Variants in PALMD observed in about 807,000 individuals in gnomAD.
PALMD encodes paralemmin-like protein.
PALMD carries 42 observed loss-of-function variants against 56.2 expected under a neutral mutation model. The ratio of observed to expected loss-of-function variants is 0.75; its 90% CI spans 0.58 to 0.97. The LOEUF is 0.97. Ranked by LOEUF, PALMD falls within the 50% of genes least tolerant of loss-of-function variation. The pLI, the probability that PALMD is intolerant of heterozygous loss-of-function variation, is 0.00. For missense variants in PALMD, 660 were observed against 643.8 expected (o/e 1.03, Z -0.27); for synonymous variants, 242 against 222.9 (o/e 1.09, Z -0.76).
At chr1:99,678,059 T>C (rs900421457) in intron 3 of PALMD, among the ~76,000 whole-genome samples, 1 of 151,890 alleles carries the variant, frequency 6.6e-6, no homozygotes, top group Non-Finnish European at 1.5e-5. Flanking sequence ...TTGTCACAGG[T>C]GGTCCTCCTC....
intron 3 of PALMD, among the ~76,000 whole-genome samples, chr1:99,674,874 G>A (rs1345441792): frequency 6.6e-6 from 1 of 152,214 alleles, no homozygotes; most frequent in Non-Finnish European, 1.5e-5. Flanking sequence ...TTCAAGAGCA[G>A]CGACTCATTG....
At chr1:99,653,647 C>A (rs1652647227) in intron 1 of PALMD, among the ~76,000 whole-genome samples, 1 of 152,072 alleles carries the variant, frequency 6.6e-6, no homozygotes, top group Non-Finnish European at 1.5e-5. Flanking sequence ...AATGTAGAAA[C>A]TTCTTTATCC....
At chr1:99,692,295 C>G (rs1653667442) in intron 7 of PALMD, among the ~76,000 whole-genome samples, 1 of 152,124 alleles carries the variant, frequency 6.6e-6, no homozygotes. Context: ...GCTACTGGTG[C>G]TGATTGCCAA....
chr1:99,655,892 C>T (rs78099132), intron 1 of PALMD, among the ~76,000 whole-genome samples: 1,626 of 152,130 alleles, frequency 0.011, 30 homozygotes, highest in African/African-American at 0.037. Context: ...TCTCAGCAGT[C>T]ATCTTGTGCC....
At chr1:99,650,285 G>GAAAAA (rs200081370) in intron 1 of PALMD, among the ~76,000 whole-genome samples, 13 of 116,964 alleles carry the variant, frequency 1.1e-4, no homozygotes, top group South Asian at 9.9e-4. Context: ...TGCTCATAAT[G>GAAAAA]AAAAAAAAAA....
At chr1:99,669,046 A>G (rs1275613557) in intron 3 of PALMD, 1 of 152,204 alleles carries the variant, frequency 6.6e-6, no homozygotes, top group Non-Finnish European at 1.5e-5. Context: ...GAAACACAAA[A>G]GTATTTGGTA....
At position 99,662,429 on chromosome 1, in the gene PALMD, G is replaced by T. The variant is rs191790635; in HGVS notation, c.126+30G>T. On this transcript the variant is annotated intron_variant, in intron 2 of 7. Transcript: ENST00000263174. ...TTTATGGCTTTAATTTCATTTCAAT[G>T]ATTTTGTATTCAAAAATTCTATTGG... 1.5e-3 allele frequency: 1,854 copies of T among 1,236,876 alleles called. 7 individuals carry two copies. Among genetic ancestry groups the T allele is most frequent in the Non-Finnish European group, 9.4e-4 (809 of 857,154 alleles). 76.6% of individuals were successfully genotyped at this position (1,236,876 alleles called of 1,614,324 possible).
intron 2 of PALMD, among the ~76,000 whole-genome samples, chr1:99,667,010 C>A: frequency 6.6e-6 from 1 of 152,078 alleles, no homozygotes; most frequent in East Asian, 1.9e-4. Flanking sequence ...ATGTCTATAA[C>A]CAGGGAGATT....
At chr1:99,667,583 A>G (rs1426344221) in intron 2 of PALMD, 59 bp from the exon 3 acceptor site, 14 of 1,431,350 alleles carry the variant, frequency 9.8e-6, no homozygotes, top group Non-Finnish European at 1.4e-5. Context: ...GAAAGCAGTA[A>G]GAGATTTTGG....
At chr1:99,677,260 G>GA (rs1345341510) in intron 3 of PALMD, among the ~76,000 whole-genome samples, 1 of 151,964 alleles carries the variant, frequency 6.6e-6, no homozygotes, top group Admixed American at 6.6e-5. Flanking sequence ...AAAAAATTAT[G>GA]AAAAATCTCA....
At chr1:99,676,760 T>C (rs571855062) in intron 3 of PALMD, among the ~76,000 whole-genome samples, 1 of 151,878 alleles carries the variant, frequency 6.6e-6, no homozygotes, top group East Asian at 1.9e-4. Context: ...TGATGAAATT[T>C]ATTAAACCCC....
intron 1 of PALMD, among the ~76,000 whole-genome samples, chr1:99,650,992 T>C (rs1268832913): frequency 2.6e-5 from 4 of 152,212 alleles, no homozygotes; most frequent in Non-Finnish European, 5.9e-5. Context: ...TAATGCCCCA[T>C]TGTTAACCAA....
chr1:99,671,144 G>C (rs776765002), intron 3 of PALMD, among the ~76,000 whole-genome samples: 2 of 152,170 alleles, frequency 1.3e-5, no homozygotes, highest in Non-Finnish European at 2.9e-5. Flanking sequence ...GCCTGCTCGA[G>C]GGTGACATTT....
intron 3 of PALMD, among the ~76,000 whole-genome samples, chr1:99,677,843 T>C (rs1653248118): frequency 6.6e-6 from 1 of 152,212 alleles, no homozygotes; most frequent in African/African-American, 2.4e-5. Context: ...TAGGATGTTC[T>C]TTCTGCTCAC....
At chr1:99,677,354 A>G (rs1360063933) in intron 3 of PALMD, among the ~76,000 whole-genome samples, 1 of 152,126 alleles carries the variant, frequency 6.6e-6, no homozygotes, top group Non-Finnish European at 1.5e-5. Flanking sequence ...AAGGGTCCTC[A>G]AGAGCAGTGC....
At chr1:99,647,974 G>T (rs916605446) in intron 1 of PALMD, among the ~76,000 whole-genome samples, 3 of 152,116 alleles carry the variant, frequency 2.0e-5, no homozygotes, top group Non-Finnish European at 4.4e-5. Context: ...GGTTCCAAAC[G>T]CAAATAGAGA....
rs200708622 is a variant in PALMD, at chr1:99,686,933, G to A, written c.370G>A (p.Val124Met). 66 of 1,575,652 alleles carry A rather than the reference G, an allele frequency of 4.2e-5. No individual in the cohort carries two copies. In the East Asian group the frequency reaches 1.5e-3, roughly 35 times the overall value. Residue 124 changes from valine to methionine, a missense_variant, in exon 5 of 8, where the codon GTG becomes ATG. Transcript: ENST00000263174. Reference sequence around the variant, plus strand: ...GGAGAATTCTTTTTTCTTACAGTCTGTGAAAGTGGAAAGAGAAGAAAGAGC... The same window carrying A: ...GGAGAATTCTTTTTTCTTACAGTCTATGAAAGTGGAAAGAGAAGAAAGAGC... ...ERTTEDIIRS[V>M]KVEREERAEE...
intron 6 of PALMD, among the ~76,000 whole-genome samples, chr1:99,687,580 T>C (rs758062056): frequency 6.6e-6 from 1 of 152,146 alleles, no homozygotes; most frequent in Non-Finnish European, 1.5e-5. Context: ...TTTACCTCCA[T>C]GGGAAATTGA....
chr1:99,656,494 T>A (rs1459580369), intron 1 of PALMD, among the ~76,000 whole-genome samples: 2 of 152,202 alleles, frequency 1.3e-5, no homozygotes, highest in Non-Finnish European at 2.9e-5. Flanking sequence ...TCAGCAAAGC[T>A]AATCATGAAG....
Sources: gnomAD v4.1 joint callset for allele counts (sites outside exome capture counted in the v4.1 genomes callset) on GRCh38, gnomAD v4.1.1 for gene constraint, MANE v1.5 for transcripts, NCBI Gene and HGNC (gene_info 2026-07-23, HGNC 2026-07-21) for gene names.